SBNO1: variants seen among roughly 807,000 people sequenced by gnomAD.
SBNO1 encodes protein strawberry notch homolog 1.
A neutral mutation model predicts 173.6 loss-of-function variants in SBNO1; 23 were observed. The ratio of observed to expected loss-of-function variants is 0.13; its 90% CI spans 0.10 to 0.19. SBNO1 has a LOEUF of 0.19. Among genes scored for constraint, SBNO1 ranks in the 10% least tolerant of loss-of-function variants. The pLI, the probability that SBNO1 is intolerant of heterozygous loss-of-function variation, is 1.00. For missense variants in SBNO1, 1,238 were observed against 1,671.2 expected, an observed-to-expected ratio of 0.74 and a Z score of 4.52; for synonymous variants, 632 against 571.5, an observed-to-expected ratio of 1.11 and a Z score of -1.51.
At chr12:123,326,741 C>T (rs1870651769) in intron 13 of SBNO1, among the ~76,000 whole-genome samples, 1 of 152,076 alleles carries the variant, frequency 6.6e-6, no homozygotes, top group Admixed American at 6.6e-5. Flanking sequence ...GGCTGGGCAA[C>T]ACTGTAAAAC....
intron 5 of SBNO1, among the ~76,000 whole-genome samples, chr12:123,337,350 T>C (rs1871971851): frequency 6.6e-6 from 1 of 152,220 alleles, no homozygotes; most frequent in South Asian, 2.1e-4. Flanking sequence ...CAACTGTTTA[T>C]TAGCATGCAC....
intron 14 of SBNO1, 69 bp downstream of exon 14, chr12:123,326,083 A>T (rs1870585336): frequency 9.2e-7 from 1 of 1,085,522 alleles, no homozygotes; most frequent in South Asian, 2.5e-5. Flanking sequence ...ACAAGCAGAA[A>T]ACCTCAGCAC....
At position 123,298,275 on chromosome 12, in the gene SBNO1, T is replaced by C. The variant is rs374140306; in HGVS notation, c.3846-104A>G. On this transcript the variant is annotated intron_variant, in intron 30 of 31. Transcript: ENST00000602398. Reference sequence around the variant, plus strand: ...ACTCAAATTTCTTTTCTTTTCTTTTTTTTTTGTTGAGATGGAGTTTTGCTC... The same window carrying C: ...ACTCAAATTTCTTTTCTTTTCTTTTCTTTTTGTTGAGATGGAGTTTTGCTC... 141 of 1,202,902 alleles carry C rather than the reference T, an allele frequency of 1.2e-4. 1 individual carries two copies. The highest frequency in any genetic ancestry group is 1.1e-3 in the African/African-American group (69 of 63,604). 74.5% of individuals were successfully genotyped at this position (1,202,902 alleles called of 1,614,324 possible).
At position 123,327,797 on chromosome 12, in the gene SBNO1, C is replaced by T; in HGVS notation, c.1448G>A (p.Arg483His). The T allele has an allele frequency of 6.2e-7, 1 of 1,613,534 alleles. No individual in the cohort carries two copies. Reference protein sequence around the residue: ...YASATGASEPRNMAYMNRLGI... With the variant: ...YASATGASEPHNMAYMNRLGI... ...AAGACGGTTCATATAGGCCATGTTG[C>T]GTGGTTCAGAAGCACCTGAAAATCC... Residue 483 changes from arginine (R) to histidine (H), a missense_variant, in exon 12 of 32, where the codon CGC becomes CAC. By Grantham distance (29) the Arg-to-His change is conservative. Around this residue, in one of 14 missense-constraint regions of SBNO1, gnomAD observed 182 missense variants for 339.9 expected, o/e 0.54. Transcript: ENST00000602398.
chr12:123,358,385 A>G (rs1157420885), intron 1 of SBNO1, among the ~76,000 whole-genome samples: 1 of 152,102 alleles, frequency 6.6e-6, no homozygotes, highest in Non-Finnish European at 1.5e-5. Flanking sequence ...TTTTCTTTTA[A>G]CCTTCAAGAT....
chr12:123,326,559 T>C (rs553343979), intron 13 of SBNO1, among the ~76,000 whole-genome samples: 2 of 152,320 alleles, frequency 1.3e-5, no homozygotes, highest in Middle Eastern at 3.4e-3. Context: ...TTAAGAACTA[T>C]GCAACTGAAA....
At position 123,298,190 on chromosome 12, in the gene SBNO1, A is replaced by G; in HGVS notation, c.3846-19T>C. The G allele has an allele frequency of 6.2e-7, 1 of 1,608,824 alleles. No individual in the cohort carries two copies. Among genetic ancestry groups the G allele is most frequent in the East Asian group, 2.2e-5 (1 of 44,852 alleles). On this transcript the variant is annotated intron_variant, in intron 30 of 31. Coordinates refer to ENST00000602398, the MANE Select transcript of SBNO1 (RefSeq NM_001167856.3). Reference sequence around the variant, plus strand: ...GCCGCGCCTAAGAAAAATGGGAAAGAAATACATATGAGTGTCTATATATGC... The same window carrying G: ...GCCGCGCCTAAGAAAAATGGGAAAGGAATACATATGAGTGTCTATATATGC...
chr12:123,337,161 T>C (rs1871953008), intron 5 of SBNO1, among the ~76,000 whole-genome samples: 1 of 152,168 alleles, frequency 6.6e-6, no homozygotes, highest in Non-Finnish European at 1.5e-5. Context: ...CCTGGCACAT[T>C]TGAGTTGGGG....
rs575457621 is a variant in SBNO1 at position 123,318,967 on chromosome 12, G to GT, written c.2799+932dup. Among the ~76,000 whole-genome samples, 789 of 135,650 alleles carry GT rather than the reference G, an allele frequency of 5.8e-3. 2 individuals are homozygous for GT. Among genetic ancestry groups the GT allele is most frequent in the Middle Eastern group, 0.019 (5 of 266 alleles). The allele number at this position is 135,650 out of a possible 152,430, so 89.0% of individuals were successfully genotyped here. On this transcript the variant is annotated intron_variant, in intron 20 of 31. Coordinates refer to ENST00000602398, the MANE Select transcript of SBNO1 (RefSeq NM_001167856.3). The stretch of plus-strand genomic sequence containing the variant: ...CAACACCAAGATGAACTAAGGGAAC[G>GT]TTTTTTTTTTTTTTTTGAGACAGTC...
intron 10 of SBNO1, 82 bp from the exon 11 acceptor site, chr12:123,328,109 T>C (rs980380745): frequency 8.7e-7 from 1 of 1,145,338 alleles, no homozygotes; most frequent in African/African-American, 1.5e-5. Flanking sequence ...AACTTTTATT[T>C]CCCTGAGGCC....
intron 1 of SBNO1, among the ~76,000 whole-genome samples, chr12:123,352,701 T>C (rs1328789204): frequency 6.6e-6 from 1 of 152,196 alleles, no homozygotes; most frequent in Non-Finnish European, 1.5e-5. Context: ...AGACAGATGT[T>C]CTAATGGAAA....
At chr12:123,329,178 C>G (rs1019986355) in intron 9 of SBNO1, among the ~76,000 whole-genome samples, 1 of 151,920 alleles carries the variant, frequency 6.6e-6, no homozygotes, top group Non-Finnish European at 1.5e-5. Flanking sequence ...TCAGGAGTTC[C>G]AAGACCAGCC....
chr12:123,350,350 G>C lies in SBNO1; in HGVS notation c.92C>G (p.Ala31Gly), dbSNP rs1238942094. ...GGTAGGCATTGGAGTTGCAAGCCCT[G>C]CATCTCCACCATCAATATCAAAGAG... is the stretch of plus-strand genomic sequence containing the variant. The part of the protein sequence containing the change: ...NDLFDIDGGD[A>G]GLATPMPTPS... Residue 31 changes from alanine (A) to glycine (G), a missense_variant, in exon 2 of 32, where the codon GCA (alanine) becomes GGA (glycine). By Grantham distance (60) the Ala-to-Gly change is moderately conservative. Transcript: ENST00000602398. 1.2e-6 allele frequency: 2 copies of C among 1,613,976 alleles called. No homozygotes were observed. Among genetic ancestry groups the C allele is most frequent in the Admixed American group, 1.7e-5 (1 of 59,994 alleles).
At chr12:123,348,799 T>C (rs1873530272) in intron 2 of SBNO1, among the ~76,000 whole-genome samples, 1 of 149,850 alleles carries the variant, frequency 6.7e-6, no homozygotes, top group Non-Finnish European at 1.5e-5. Context: ...AATAACTAAA[T>C]AAATAAAAAC....
intron 4 of SBNO1, among the ~76,000 whole-genome samples, chr12:123,342,141 C>CT (rs1452613541): frequency 6.6e-6 from 1 of 152,046 alleles, no homozygotes; most frequent in African/African-American, 2.4e-5. Context: ...ATCCCAGCTA[C>CT]TTGGGAGGCT....
intron 20 of SBNO1, among the ~76,000 whole-genome samples, 198 bp downstream of exon 20, chr12:123,319,702 C>T (rs1299078083): frequency 6.6e-6 from 1 of 151,318 alleles, no homozygotes; most frequent in East Asian, 1.9e-4. Context: ...AGCCACTGCA[C>T]CCAGCCAATA....
Position 123,340,979 on chromosome 12 carries a change from G to A in SBNO1, c.651+9C>T. 6.7e-7 allele frequency: 1 copy of A among 1,497,292 alleles called. No individual in the cohort carries two copies. Among genetic ancestry groups the A allele is most frequent in the Non-Finnish European group, 9.3e-7 (1 of 1,080,420 alleles). 92.8% of individuals were successfully genotyped at this position (1,497,292 alleles called of 1,614,324 possible). ...CACAAAAATAAAGACACAGTTATTTGAAACTCACCATGGTTGGGGAAAAAC... is the reference window on the plus strand; with the variant it reads ...CACAAAAATAAAGACACAGTTATTTAAAACTCACCATGGTTGGGGAAAAAC... On this transcript the variant is annotated intron_variant, in intron 5 of 31. Coordinates refer to ENST00000602398, the MANE Select transcript of SBNO1 (RefSeq NM_001167856.3).
chr12:123,344,622 G>C (rs935860783), intron 4 of SBNO1, among the ~76,000 whole-genome samples: 1 of 152,152 alleles, frequency 6.6e-6, no homozygotes, highest in Admixed American at 6.6e-5. Flanking sequence ...GCTAAGGTGG[G>C]CAGACTGCCT....
In SBNO1 at chr12:123,364,720, G is replaced by A. The variant is rs1026153392; in HGVS notation, c.-20C>T. On this transcript the variant is annotated 5_prime_UTR_variant, in exon 1 of 32. Coordinates refer to ENST00000602398, the MANE Select transcript of SBNO1 (RefSeq NM_001167856.3). ...ACTTACTTTCCCCGCGGGACCCGGC[G>A]CCAGCACAGCTCCTCCCGGGAGGTG... 2.0e-6 allele frequency: 2 copies of A among 986,724 alleles called. No individual in the cohort carries two copies. Among genetic ancestry groups the A allele is most frequent in the East Asian group, 1.1e-4 (1 of 8,814 alleles). 61.1% of individuals were successfully genotyped at this position (986,724 alleles called of 1,614,324 possible).
Sources: allele counts gnomAD v4.1 joint callset (sites outside exome capture counted in the v4.1 genomes callset), GRCh38; gene constraint gnomAD v4.1.1; regional missense constraint gnomAD v4.1.1; transcripts MANE v1.5; gene names NCBI Gene and HGNC (gene_info 2026-07-23, HGNC 2026-07-21).